The following BNC2 variants were observed in gnomAD, a reference collection of about 807,000 sequenced individuals.
BNC2 encodes the protein basonuclin zinc finger protein 2, also known as zinc finger protein basonuclin-2.
In BNC2, 20 loss-of-function variants were observed where a neutral mutation model predicts 76.3. That is an observed-to-expected ratio of 0.26 (90% CI 0.18 to 0.38). The LOEUF (loss-of-function observed/expected upper bound fraction) is 0.38. Ranked by LOEUF, BNC2 falls within the 10% of genes least tolerant of loss-of-function variation. The pLI, the probability that BNC2 is intolerant of heterozygous loss-of-function variation, is 1.00. For missense variants in BNC2, 1,382 were observed against 1,399.8 expected, an observed-to-expected ratio of 0.99 and a Z score of 0.20; for synonymous variants, 582 against 514.8, an observed-to-expected ratio of 1.13 and a Z score of -1.77.
At chr9:16,478,184 A>G (rs1028684306) in intron 5 of BNC2, among the ~76,000 whole-genome samples, 34 of 152,226 alleles carry the variant, frequency 2.2e-4, no homozygotes, top group African/African-American at 8.0e-4. Context: ...AACAAAAGCA[A>G]TATGCTTCCT....
intron 1 of BNC2, among the ~76,000 whole-genome samples, chr9:16,831,648 A>G (rs1255347994): frequency 6.6e-6 from 1 of 152,198 alleles, no homozygotes; most frequent in East Asian, 1.9e-4. Context: ...CAGCATAGGA[A>G]GTATTCAAGT....
intron 3 of BNC2, among the ~76,000 whole-genome samples, chr9:16,702,210 G>A (rs1473914547): frequency 2.0e-5 from 3 of 152,080 alleles, no homozygotes; most frequent in East Asian, 1.9e-4. Flanking sequence ...GCTTTAGTGT[G>A]GTCTTAGTTC....
At chr9:16,468,491 G>A (rs141390106) in intron 5 of BNC2, among the ~76,000 whole-genome samples, 2,071 of 151,976 alleles carry the variant, frequency 0.014, 51 homozygotes, top group African/African-American at 0.047. Context: ...TGCCTCCCAG[G>A]TTCAAGCAAC....
chr9:16,869,017 T>C (rs868377263), intron 1 of BNC2, among the ~76,000 whole-genome samples: 11 of 152,228 alleles, frequency 7.2e-5, no homozygotes, highest in South Asian at 4.1e-4. Flanking sequence ...CATTAGGATA[T>C]AGGAATACAT....
chr9:16,729,966 T>TTC (rs1420029622), intron 2 of BNC2, among the ~76,000 whole-genome samples: 2 of 151,964 alleles, frequency 1.3e-5, no homozygotes. Flanking sequence ...TTTGCCTGTG[T>TTC]TCTCTCTCGC....
At chr9:16,558,448 G>C (rs1387134540) in intron 4 of BNC2, among the ~76,000 whole-genome samples, 2 of 152,072 alleles carry the variant, frequency 1.3e-5, no homozygotes, top group Non-Finnish European at 2.9e-5. Context: ...GCAGTGCTTT[G>C]AGGCTGGTAC....
chr9:16,456,750 A>G (rs1821458166), intron 5 of BNC2, among the ~76,000 whole-genome samples: 1 of 152,188 alleles, frequency 6.6e-6, no homozygotes, highest in Non-Finnish European at 1.5e-5. Flanking sequence ...AAACTCTAGC[A>G]AATTATCTGT....
intron 5 of BNC2, among the ~76,000 whole-genome samples, chr9:16,545,501 C>G (rs956528709): frequency 6.6e-6 from 1 of 152,130 alleles, no homozygotes; most frequent in African/African-American, 2.4e-5. Context: ...TTTCACACAT[C>G]TAGTAAGACC....
At chr9:16,536,578 C>T (rs1026676768) in intron 5 of BNC2, among the ~76,000 whole-genome samples, 3 of 152,050 alleles carry the variant, frequency 2.0e-5, no homozygotes, top group Non-Finnish European at 4.4e-5. Flanking sequence ...AAAAAATTCC[C>T]CTTCTCCTTC....
intron 3 of BNC2, among the ~76,000 whole-genome samples, chr9:16,673,734 CTAAT>C (rs1338703845): frequency 6.6e-6 from 1 of 152,152 alleles, no homozygotes; most frequent in Non-Finnish European, 1.5e-5. Context: ...TTTGACTGTT[CTAAT>C]TAATTTCTGC....
intron 1 of BNC2, among the ~76,000 whole-genome samples, chr9:16,841,760 T>C (rs988512275): frequency 1.3e-5 from 2 of 151,896 alleles, no homozygotes; most frequent in Admixed American, 6.6e-5. Context: ...TGACTGCCCA[T>C]TGCAAAAGAT....
At chr9:16,631,386 C>T (rs960069194) in intron 3 of BNC2, among the ~76,000 whole-genome samples, 9 of 152,308 alleles carry the variant, frequency 5.9e-5, no homozygotes, top group African/African-American at 1.9e-4. Context: ...AGAGGCTGCC[C>T]TGTAGCGCAC....
At chr9:16,595,211 A>G (rs550486400) in intron 3 of BNC2, among the ~76,000 whole-genome samples, 2 of 152,270 alleles carry the variant, frequency 1.3e-5, no homozygotes, top group Non-Finnish European at 1.5e-5. Flanking sequence ...ACTGTCCATC[A>G]GCGACACATC....
chr9:16,471,960 G>T (rs553701171), intron 5 of BNC2, among the ~76,000 whole-genome samples: 3 of 152,108 alleles, frequency 2.0e-5, no homozygotes, highest in Non-Finnish European at 4.4e-5. Flanking sequence ...TTCTGCTTTT[G>T]CTTCTTCCTC....
Position 16,835,342 on chromosome 9 carries a change from T to C in BNC2, c.3+35304A>G, listed in dbSNP as rs1448267427. 2.6e-5 allele frequency among the ~76,000 whole-genome samples: 4 copies of C among 152,190 alleles called. 1 individual carries two copies. Among genetic ancestry groups the C allele is most frequent in the African/African-American group, 9.7e-5 (4 of 41,432 alleles). ...ATTCTCACCACTACAACCCCATGAG[T>C]TAGGTACCATTATTATCCTTATTTG... On this transcript the variant is annotated intron_variant, in intron 1 of 6. Coordinates refer to ENST00000380672, the MANE Select transcript of BNC2 (RefSeq NM_017637.6).
chr9:16,678,640 A>AAC (rs1460595337), intron 3 of BNC2, among the ~76,000 whole-genome samples: 2 of 150,276 alleles, frequency 1.3e-5, no homozygotes, highest in Non-Finnish European at 3.0e-5. Flanking sequence ...CCTAAACAGT[A>AAC]ACAGTCTCTT....
At chr9:16,803,808 C>T (rs1045028069) in intron 1 of BNC2, among the ~76,000 whole-genome samples, 4 of 152,214 alleles carry the variant, frequency 2.6e-5, no homozygotes, top group Admixed American at 6.5e-5. Context: ...GGGCAAACTG[C>T]TCTTTGCAAA....
intron 1 of BNC2, among the ~76,000 whole-genome samples, chr9:16,768,272 T>G (rs990685616): frequency 1.3e-5 from 2 of 151,936 alleles, no homozygotes; most frequent in African/African-American, 4.8e-5. Context: ...GGCCAGTGTA[T>G]GCAATTCAGA....
chr9:16,538,278 C>T (rs2132320260), intron 5 of BNC2, among the ~76,000 whole-genome samples: 1 of 152,252 alleles, frequency 6.6e-6, no homozygotes, highest in African/African-American at 2.4e-5. Context: ...ATCAGTCAAG[C>T]TATCAGATGA....
Sources: gnomAD v4.1 joint callset for allele counts (sites outside exome capture counted in the v4.1 genomes callset) on GRCh38, gnomAD v4.1.1 for gene constraint, MANE v1.5 for transcripts, NCBI Gene and HGNC (gene_info 2026-07-23, HGNC 2026-07-21) for gene names.